Variants in EML6 observed in about 807,000 individuals in gnomAD.
EML6 encodes the protein echinoderm microtubule-associated protein-like 6.
A neutral mutation model predicts 240.1 loss-of-function variants in EML6; 154 were observed. The observed-to-expected ratio is 0.64, with a 90% CI of 0.56 to 0.73. The LOEUF is 0.73. EML6 is among the 30% of genes least tolerant of loss of function. The pLI is 0.00. For missense variants in EML6, 2,964 were observed against 2,474.6 expected, an observed-to-expected ratio of 1.20 and a Z score of -4.20; for synonymous variants, 1,148 against 899.0, an observed-to-expected ratio of 1.28 and a Z score of -4.95.
At chr2:54,860,779 G>A (rs1323643614) in intron 12 of EML6, among the ~76,000 whole-genome samples, 1 of 152,202 alleles carries the variant, frequency 6.6e-6, no homozygotes, top group East Asian at 1.9e-4. Flanking sequence ...TCTTAGGAGT[G>A]GTGACGAGAA....
At chr2:54,729,266 C>A (rs73934808) in intron 2 of EML6, among the ~76,000 whole-genome samples, 6,386 of 152,298 alleles carry the variant, frequency 0.042, 465 homozygotes, top group African/African-American at 0.14. Flanking sequence ...TCCCATGAGA[C>A]CTTGTACCAT....
chr2:54,850,033 G>T lies in EML6; in HGVS notation c.1259G>T (p.Gly420Val), dbSNP rs1669987515. 1.9e-6 allele frequency: 3 copies of T among 1,551,842 alleles called. No individual in the cohort carries two copies. Among genetic ancestry groups the T allele is most frequent in the Non-Finnish European group, 2.6e-6 (3 of 1,146,982 alleles). Residue 420 changes from glycine (G) to valine (V), a missense_variant, in exon 10 of 42, where the codon GGT becomes GTT. Gly to Val is a moderately radical substitution (Grantham distance 109, BLOSUM62 -3). Transcript: ENST00000356458. ...VIHEMKFSPD[G>V]SYLAVGSNDG... ...CATGAAATGAAATTTTCTCCAGATGGTTCTTACCTTGCAGTGGGATCCAAT... is the reference window on the plus strand; with the variant it reads ...CATGAAATGAAATTTTCTCCAGATGTTTCTTACCTTGCAGTGGGATCCAAT...
At chr2:54,962,312 A>T (rs558738663) in intron 35 of EML6, among the ~76,000 whole-genome samples, 1 of 152,086 alleles carries the variant, frequency 6.6e-6, no homozygotes, top group Non-Finnish European at 1.5e-5. Flanking sequence ...GTGCATTCAC[A>T]TGTTGTGCAG....
intron 9 of EML6, among the ~76,000 whole-genome samples, chr2:54,848,838 C>T (rs897560264): frequency 1.3e-5 from 2 of 152,160 alleles, no homozygotes; most frequent in Non-Finnish European, 2.9e-5. Flanking sequence ...CAGTGACTCA[C>T]TGTATTCATG....
At chr2:54,847,757 G>GTAGT in intron 9 of EML6, 134 bp downstream of exon 9, 2 of 811,768 alleles carry the variant, frequency 2.5e-6, no homozygotes, top group Non-Finnish European at 1.7e-6. Context: ...ATAGATCTAC[G>GTAGT]ATCCCCTATC....
chr2:54,791,025 G>A (rs1454945771), intron 2 of EML6, among the ~76,000 whole-genome samples: 3 of 152,194 alleles, frequency 2.0e-5, no homozygotes, highest in South Asian at 2.1e-4. Context: ...GCGCCCGGCC[G>A]GTAACTTAAT....
At chr2:54,956,820 C>T (rs183616204) in intron 32 of EML6, among the ~76,000 whole-genome samples, 2 of 151,758 alleles carry the variant, frequency 1.3e-5, no homozygotes, top group African/African-American at 2.4e-5. Context: ...GACAAGAAAT[C>T]GGAACAAAAA....
intron 15 of EML6, 74 bp from the exon 16 acceptor site, chr2:54,871,426 G>A: frequency 1.7e-6 from 2 of 1,152,160 alleles, no homozygotes; most frequent in Non-Finnish European, 1.3e-6. Context: ...TCTGAGCAGT[G>A]TTGGACTCTA....
rs138971846 is a variant in EML6, at chr2:54,808,347, G to A, written c.198-4885G>A. The stretch of plus-strand genomic sequence containing the variant: ...GCCTTGCAGATGAACATCCACTGAG[G>A]TTGGGTCACTCCCCCTTCAATCCCC... On this transcript the variant is annotated intron_variant, in intron 2 of 41. Coordinates refer to ENST00000356458, the MANE Select transcript of EML6 (RefSeq NM_001039753.4). 2.3e-3 allele frequency among the ~76,000 whole-genome samples: 343 copies of A among 152,262 alleles called. 1 individual carries two copies. Among genetic ancestry groups the A allele is most frequent in the African/African-American group, 7.7e-3 (321 of 41,540 alleles).
intron 35 of EML6, among the ~76,000 whole-genome samples, chr2:54,960,600 A>T (rs1312798815): frequency 1.3e-5 from 2 of 152,188 alleles, no homozygotes; most frequent in African/African-American, 4.8e-5. Context: ...ATATTTATAC[A>T]TGACAGTGCC....
chr2:54,940,008 G>C (rs1675347286), intron 28 of EML6, among the ~76,000 whole-genome samples: 1 of 152,214 alleles, frequency 6.6e-6, no homozygotes, highest in African/African-American at 2.4e-5. Flanking sequence ...TTTAGTCCTT[G>C]TGGAATATAT....
intron 2 of EML6, chr2:54,747,445 G>A: frequency 6.6e-6 from 1 of 152,220 alleles, no homozygotes; most frequent in African/African-American, 2.4e-5. Context: ...TACTACTATA[G>A]GACAAGATCC....
At position 54,763,882 on chromosome 2, in the gene EML6, G is replaced by A. The variant is rs139349673; in HGVS notation, c.197+38624G>A. ...TTCAGGCTCCCTTCTCTGCCAGAGC[G>A]AGGCTGGGAAGTGAGGTTCAAGATC... On this transcript the variant is annotated intron_variant, in intron 2 of 41. Transcript: ENST00000356458. Among the ~76,000 whole-genome samples the A allele has an allele frequency of 5.7e-3, 863 of 152,268 alleles. 6 individuals carry two copies. The highest frequency in any genetic ancestry group is 0.017 in the African/African-American group (693 of 41,548).
chr2:54,857,480 A>C (rs1026057621), intron 11 of EML6, among the ~76,000 whole-genome samples: 1 of 152,220 alleles, frequency 6.6e-6, no homozygotes, highest in Non-Finnish European at 1.5e-5. Flanking sequence ...GAGATAGGCC[A>C]GTGATGAAAA....
chr2:54,810,007 T>C (rs954897375), intron 2 of EML6, among the ~76,000 whole-genome samples: 2 of 152,110 alleles, frequency 1.3e-5, no homozygotes, highest in African/African-American at 4.8e-5. Context: ...TTGCTATTCT[T>C]GACATGGACA....
intron 2 of EML6, among the ~76,000 whole-genome samples, chr2:54,806,912 T>C (rs994572188): frequency 6.6e-6 from 1 of 152,050 alleles, no homozygotes; most frequent in Non-Finnish European, 1.5e-5. Context: ...TGCCAGTAAG[T>C]AGAGGAGACA....
intron 29 of EML6, among the ~76,000 whole-genome samples, chr2:54,949,805 C>T (rs965951133): frequency 1.3e-5 from 2 of 152,226 alleles, no homozygotes; most frequent in African/African-American, 4.8e-5. Flanking sequence ...CCCCCAAACC[C>T]ACCGCTAGTG....
intron 7 of EML6, among the ~76,000 whole-genome samples, chr2:54,830,171 T>G (rs1668796458): frequency 6.6e-6 from 1 of 152,236 alleles, no homozygotes; most frequent in Admixed American, 6.5e-5. Context: ...TTTAAAATTC[T>G]CATGGTAGGC....
intron 2 of EML6, among the ~76,000 whole-genome samples, chr2:54,789,837 A>T (rs895090802): frequency 6.6e-6 from 1 of 152,212 alleles, no homozygotes; most frequent in Non-Finnish European, 1.5e-5. Flanking sequence ...TGCTTTCCTT[A>T]CCAGGGCTTG....
Sources: gnomAD v4.1 joint callset for allele counts (sites outside exome capture counted in the v4.1 genomes callset) on GRCh38, gnomAD v4.1.1 for gene constraint, MANE v1.5 for transcripts, NCBI Gene and HGNC (gene_info 2026-07-23, HGNC 2026-07-21) for gene names.